The following DCAF10 variants were observed in gnomAD, a reference collection of about 807,000 sequenced individuals.
DCAF10 encodes DDB1- and CUL4-associated factor 10.
A neutral mutation model predicts 51.9 loss-of-function variants in DCAF10; 19 were observed. The observed-to-expected ratio is 0.37, with a 90% CI of 0.26 to 0.54. The LOEUF is 0.54. DCAF10 is among the 20% of genes least tolerant of loss of function. DCAF10 has a pLI of 0.87. For missense variants in DCAF10, 510 were observed against 730.6 expected, an observed-to-expected ratio of 0.70 and a Z score of 3.48; for synonymous variants, 291 against 297.1, an observed-to-expected ratio of 0.98 and a Z score of 0.21.
intron 3 of DCAF10, among the ~76,000 whole-genome samples, chr9:37,847,300 T>TA (rs369533909): frequency 1.2e-3 from 127 of 107,378 alleles, no homozygotes; most frequent in South Asian, 0.01. Flanking sequence ...CAAATATTCC[T>TA]AAAAAAAAAA....
intron 1 of DCAF10, among the ~76,000 whole-genome samples, chr9:37,802,265 G>A (rs1232398682): frequency 3.3e-5 from 5 of 152,192 alleles, no homozygotes; most frequent in Non-Finnish European, 5.9e-5. Flanking sequence ...TAATGGCACT[G>A]TTTTCATTGA....
intron 3 of DCAF10, among the ~76,000 whole-genome samples, chr9:37,845,366 AG>A (rs1463782160): frequency 6.6e-6 from 1 of 152,230 alleles, no homozygotes; most frequent in Non-Finnish European, 1.5e-5. Flanking sequence ...AAGAGAAAAA[AG>A]ACATAAATAA....
chr9:37,860,433 G>C, intron 6 of DCAF10: 1 of 394,642 alleles, frequency 2.5e-6, no homozygotes, highest in Non-Finnish European at 4.4e-6. Flanking sequence ...GTACTTTAAA[G>C]GCCAGCATCA....
chr9:37,853,575 G>A (rs915128858), intron 3 of DCAF10, among the ~76,000 whole-genome samples: 1 of 151,348 alleles, frequency 6.6e-6, no homozygotes, highest in Non-Finnish European at 1.5e-5. Context: ...TTAACAGCTG[G>A]AAGTTTTACA....
rs552045272 is a variant in DCAF10, at chr9:37,827,479, A to G, written c.653+8078A>G. ...TTAAACAAATATGTTTTTAAGAACA[A>G]AAAATATCCTGAACAATGTTTCTAA... On this transcript the variant is annotated intron_variant, in intron 2 of 6. Transcript: ENST00000377724. Among the ~76,000 whole-genome samples the G allele has an allele frequency of 2.6e-5, 4 of 152,334 alleles. No homozygotes were observed. In the South Asian group the frequency reaches 6.2e-4, roughly 24 times the overall value.
chr9:37,831,880 G>T (rs891881425), intron 2 of DCAF10, among the ~76,000 whole-genome samples: 1 of 150,876 alleles, frequency 6.6e-6, no homozygotes, highest in Non-Finnish European at 1.5e-5. Context: ...CCTGGGAGGC[G>T]GAGGCTGTAG....
chr9:37,852,930 T>TATATATATATA (rs1830710395), intron 3 of DCAF10, among the ~76,000 whole-genome samples: 4 of 109,828 alleles, frequency 3.6e-5, no homozygotes, highest in Admixed American at 1.0e-4. Flanking sequence ...GTATGTGAGG[T>TATATATATATA]TATATATATA....
chr9:37,866,147 C>T lies in DCAF10; in HGVS notation c.*4639C>T, dbSNP rs1452330969. The T allele has an allele frequency of 6.6e-6, 1 of 152,540 alleles. No homozygotes were observed. The highest frequency in any genetic ancestry group is 1.5e-5 in the Non-Finnish European group (1 of 68,014). The allele number at this position is 152,540 out of a possible 1,614,324, so 9.4% of individuals were successfully genotyped here. A position where few individuals can be genotyped will look rare whatever the true frequency, so the allele number is the denominator to read the frequency against. On this transcript the variant is annotated 3_prime_UTR_variant, in exon 7 of 7. Transcript: ENST00000377724. ...TACCCCGTGTTGGTCTTGAAGGAAA[C>T]CGTACATATGAATTTTTGGATAGCT...
At chr9:37,838,099 T>C (rs764985246) in intron 2 of DCAF10, among the ~76,000 whole-genome samples, 4 of 152,152 alleles carry the variant, frequency 2.6e-5, no homozygotes, top group African/African-American at 4.8e-5. Context: ...GTGGAAAATA[T>C]ATGCAATGCA....
chr9:37,819,443 C>A, intron 2 of DCAF10, 42 bp downstream of exon 2: 1 of 1,464,086 alleles, frequency 6.8e-7, no homozygotes, highest in Non-Finnish European at 9.5e-7. Flanking sequence ...CAGTGTGGCC[C>A]AAAATGTTCT....
chr9:37,809,033 C>T (rs1017842401), intron 1 of DCAF10, among the ~76,000 whole-genome samples: 2 of 147,730 alleles, frequency 1.4e-5, no homozygotes, highest in Admixed American at 1.4e-4. Flanking sequence ...GCTTGAGCTT[C>T]AGAGTTTGAG....
In DCAF10 at chr9:37,829,731, G is replaced by T. The variant is rs1453494870; in HGVS notation, c.653+10330G>T. Reference sequence around the variant, plus strand: ...TTTTTTAATAATTGATGCAGGCTGGGCATGGTGGCTCATACCTGTAATCCC... The same window carrying T: ...TTTTTTAATAATTGATGCAGGCTGGTCATGGTGGCTCATACCTGTAATCCC... On this transcript the variant is annotated intron_variant, in intron 2 of 6. Coordinates refer to ENST00000377724, the MANE Select transcript of DCAF10 (RefSeq NM_024345.5). The surrounding 1 kb of genome is among the most constrained non-coding windows in gnomAD (Gnocchi z 4.2). Among the ~76,000 whole-genome samples, 1 of 152,124 alleles carries T rather than the reference G, an allele frequency of 6.6e-6. No individual in the cohort carries two copies. The highest frequency in any genetic ancestry group is 2.4e-5 in the African/African-American group (1 of 41,416).
chr9:37,811,067 C>T (rs1829330934), intron 1 of DCAF10, among the ~76,000 whole-genome samples: 1 of 152,090 alleles, frequency 6.6e-6, no homozygotes, highest in Non-Finnish European at 1.5e-5. Context: ...CCGTGGCTTA[C>T]ACCTTTAATC....
In DCAF10 at chr9:37,864,899, T is replaced by C. The variant is rs565401357; in HGVS notation, c.*3391T>C. ...CCCCAATTTAATTTGGAGGTAATAG[T>C]GGGTCAGAAAGATTAAATGACTTGC... On this transcript the variant is annotated 3_prime_UTR_variant, in exon 7 of 7. Coordinates refer to ENST00000377724, the MANE Select transcript of DCAF10 (RefSeq NM_024345.5). The C allele has an allele frequency of 1.7e-4, 26 of 152,166 alleles. No homozygotes were observed. The highest frequency in any genetic ancestry group is 6.0e-4 in the African/African-American group (25 of 41,510). 9.4% of individuals were successfully genotyped at this position (152,166 alleles called of 1,614,324 possible).
intron 1 of DCAF10, among the ~76,000 whole-genome samples, chr9:37,806,195 G>A (rs1294316434): frequency 6.6e-6 from 1 of 152,214 alleles, no homozygotes; most frequent in Non-Finnish European, 1.5e-5. Flanking sequence ...TACTGGTTCA[G>A]CTATACTAGT....
At chr9:37,848,701 G>C (rs577276946) in intron 3 of DCAF10, among the ~76,000 whole-genome samples, 1 of 152,000 alleles carries the variant, frequency 6.6e-6, no homozygotes, top group Admixed American at 6.6e-5. Context: ...GCCTGGCATG[G>C]TGGCTCACAC....
rs567851470 is a variant in DCAF10, at chr9:37,801,603, A to C, written c.539+198A>C. ...CCCAGCCCAGCTTTTTGAGGCAGGC[A>C]GGCGGGGCCCCACTTGCTCGCCTTC... On this transcript the variant is annotated intron_variant, in intron 1 of 6. Transcript: ENST00000377724. The surrounding 1 kb of genome is among the most constrained non-coding windows in gnomAD (Gnocchi z 5.5). Among the ~76,000 whole-genome samples the C allele has an allele frequency of 6.6e-6, 1 of 152,328 alleles. No homozygotes were observed. The highest frequency in any genetic ancestry group is 1.5e-5 in the Non-Finnish European group (1 of 68,016).
chr9:37,851,788 A>AAAATAAATAAAT (rs528017195), intron 3 of DCAF10, among the ~76,000 whole-genome samples: 1 of 141,532 alleles, frequency 7.1e-6, no homozygotes, highest in South Asian at 2.1e-4. Context: ...ACTCTGTCTC[A>AAAATAAATAAAT]AAATAAATAA....
chr9:37,834,772 A>G (rs1830102501), intron 2 of DCAF10, among the ~76,000 whole-genome samples: 1 of 150,804 alleles, frequency 6.6e-6, no homozygotes. Flanking sequence ...TATTTTTTGT[A>G]CGTATTTTTC....
Sources: gnomAD v4.1 joint callset for allele counts (sites outside exome capture counted in the v4.1 genomes callset) on GRCh38, gnomAD v4.1.1 for gene constraint, Gnocchi (gnomAD v3.1) non-coding constraint, MANE v1.5 for transcripts, NCBI Gene and HGNC (gene_info 2026-07-23, HGNC 2026-07-21) for gene names.